Variants in PRRC2C observed in about 807,000 individuals in gnomAD.
PRRC2C encodes proline rich coiled-coil 2C, also known as protein PRRC2C.
Under a neutral mutation model 317.2 loss-of-function variants are expected in PRRC2C, and 72 were observed. The ratio of observed to expected loss-of-function variants is 0.23; its 90% CI spans 0.19 to 0.28. The LOEUF (loss-of-function observed/expected upper bound fraction) is 0.28, where lower values mean the gene tolerates loss of function less well. PRRC2C is among the 10% of genes least tolerant of loss of function. The pLI, the probability that PRRC2C is intolerant of heterozygous loss-of-function variation, is 1.00. For missense variants in PRRC2C, 3,074 were observed against 3,459.7 expected (o/e 0.89, Z 2.80); for synonymous variants, 1,296 against 1,205.9 (o/e 1.07, Z -1.55).
At position 171,540,706 on chromosome 1, in the gene PRRC2C, A is replaced by G; in HGVS notation, c.3240A>G (p.Pro1080=). The part of the protein sequence containing the change: ...PAPIQPQSVP[P]PIQPEAEKFP... ...CAATTCAGCCACAGTCAGTTCCACC[A>G]CCAATTCAACCAGAAGCAGAGAAAT... is the stretch of plus-strand genomic sequence containing the variant. Residue 1080 remains proline, a synonymous_variant, in exon 16 of 35, where the codon CCA becomes CCG. Coordinates refer to ENST00000647382, the MANE Select transcript of PRRC2C (RefSeq NM_001387844.1). The G allele has an allele frequency of 6.2e-7, 1 of 1,613,962 alleles. No homozygotes were observed. Among genetic ancestry groups the G allele is most frequent in the Non-Finnish European group, 8.5e-7 (1 of 1,179,880 alleles).
At chr1:171,575,377 A>T (rs576048396) in intron 25 of PRRC2C, among the ~76,000 whole-genome samples, 4 of 152,268 alleles carry the variant, frequency 2.6e-5, no homozygotes, top group East Asian at 1.9e-4. Flanking sequence ...ATGTATGTAC[A>T]ACTAACTAGA....
chr1:171,511,194 C>CAAAAAG (rs1290986516), intron 1 of PRRC2C: 1 of 16,052 alleles, frequency 6.2e-5, no homozygotes, highest in Non-Finnish European at 1.4e-4. Context: ...AATAACCCCT[C>CAAAAAG]AAAAACAAAA....
chr1:171,561,101 G>A lies in PRRC2C; in HGVS notation c.6115G>A (p.Glu2039Lys), dbSNP rs1682598243. The A allele has an allele frequency of 6.3e-6, 10 of 1,584,254 alleles. No homozygotes were observed. The highest frequency in any genetic ancestry group is 8.7e-6 in the Non-Finnish European group (10 of 1,153,066). Residue 2039 changes from glutamate to lysine, a missense_variant and splice_region_variant, in exon 20 of 35, where the codon GAG becomes AAG. Physicochemically the swap from Glu to Lys is moderately conservative, Grantham distance 56 (BLOSUM62 1). Transcript: ENST00000647382. ...LTSFGSAPSS[E>K]GAKNGQESGL... ...ATCGTTTGGATCAGCTCCTTCATCA[G>A]AGGTAAGAATAGGCTTTTAACAGCA...
chr1:171,527,858 G>C lies in PRRC2C; in HGVS notation c.1254+14G>C. ...CTTGCACAGCAGGTAAATTTTAAGT[G>C]CTTGTTTATGGATTATATATTTTAT... On this transcript the variant is annotated intron_variant, in intron 11 of 34. Transcript: ENST00000647382. 6.4e-7 allele frequency: 1 copy of C among 1,560,140 alleles called. No individual in the cohort carries two copies. Among genetic ancestry groups the C allele is most frequent in the Non-Finnish European group, 8.7e-7 (1 of 1,147,794 alleles).
chr1:171,551,218 A>G (rs867497568), intron 18 of PRRC2C, among the ~76,000 whole-genome samples: 11 of 152,288 alleles, frequency 7.2e-5, no homozygotes, highest in Middle Eastern at 6.8e-3. Flanking sequence ...CTGACCAGTG[A>G]TGATGATCAT....
chr1:171,567,287 A>G (rs1179304045), intron 22 of PRRC2C, among the ~76,000 whole-genome samples: 4 of 152,100 alleles, frequency 2.6e-5, no homozygotes, highest in African/African-American at 9.7e-5. Flanking sequence ...TGAACACTGG[A>G]GGCTGTTGAC....
Position 171,557,485 on chromosome 1 carries a change from T to C in PRRC2C, c.5373T>C (p.Thr1791=), listed in dbSNP as rs546009913. Residue 1791 remains threonine (T), a synonymous_variant, in exon 19 of 35, where the codon ACT becomes ACC. Coordinates refer to ENST00000647382, the MANE Select transcript of PRRC2C (RefSeq NM_001387844.1). ...ASTSAPVPAS[T]LAPVLASTSA... ...CCTCAGCTCCGGTTCCAGCCTCAAC[T>C]TTAGCTCCAGTTCTGGCCTCAACCT... 11 of 1,550,948 alleles carry C rather than the reference T, an allele frequency of 7.1e-6. No homozygotes were observed. The highest frequency in any genetic ancestry group is 4.8e-5 in the South Asian group (4 of 84,022).
chr1:171,525,122 A>G (rs73038391), intron 10 of PRRC2C, among the ~76,000 whole-genome samples, 157 bp downstream of exon 10: 12,321 of 152,188 alleles, frequency 0.081, 1,648 homozygotes, highest in African/African-American at 0.28. Flanking sequence ...ATCTATCATA[A>G]TTTTTATTGC....
At position 171,541,670 on chromosome 1, in the gene PRRC2C, A is replaced by G. The variant is rs570949281; in HGVS notation, c.4204A>G (p.Ile1402Val). ...AAGAAGACATGAGCAGTTTATTCCT[A>G]TAGCAGCAGATAAACGACCTCCAAA... ...PPRRHEQFIP[I>V]AADKRPPKFE... The change falls in exon 16 of 35, where the codon ATA (isoleucine) becomes GTA (valine). Residue 1402 changes from isoleucine (I) to valine (V), a missense_variant. Physicochemically the swap from Ile to Val is conservative, Grantham distance 29. Around this residue, in one of 11 missense-constraint regions of PRRC2C, gnomAD observed 1,320 missense variants for 1,395.7 expected, o/e 0.95. Coordinates refer to ENST00000647382, the MANE Select transcript of PRRC2C (RefSeq NM_001387844.1). The surrounding 1 kb of genome is among the most constrained non-coding windows in gnomAD (Gnocchi z 4.1). 30 of 1,613,922 alleles carry G rather than the reference A, an allele frequency of 1.9e-5. No individual in the cohort carries two copies. In the South Asian group the frequency reaches 3.3e-4, roughly 18 times the overall value.
At chr1:171,536,383 C>T in intron 14 of PRRC2C, 105 bp downstream of exon 14, 2 of 1,265,450 alleles carry the variant, frequency 1.6e-6, no homozygotes, top group Non-Finnish European at 2.2e-6. Flanking sequence ...ACTTAAACCT[C>T]CGATTTTTAA....
chr1:171,550,976 T>A (rs1417544481), intron 18 of PRRC2C, among the ~76,000 whole-genome samples: 1 of 152,218 alleles, frequency 6.6e-6, no homozygotes, highest in Non-Finnish European at 1.5e-5. Flanking sequence ...CCTTTGGGTA[T>A]ATACCCAGTA....
Position 171,584,650 on chromosome 1 carries a change from T to C in PRRC2C, c.7749+124T>C, listed in dbSNP as rs1022551576. 9.7e-6 allele frequency: 11 copies of C among 1,139,752 alleles called. No individual in the cohort carries two copies. The East Asian group carries it at 1.6e-4, about 17-fold the overall frequency. The allele number at this position is 1,139,752 out of a possible 1,614,324, so 70.6% of individuals were successfully genotyped here. On this transcript the variant is annotated intron_variant, in intron 30 of 34. Coordinates refer to ENST00000647382, the MANE Select transcript of PRRC2C (RefSeq NM_001387844.1). Reference sequence around the variant, plus strand: ...GGAGGATGGTTTTTAAACTGTTCACTGAGATGTCCTGAAGAATTCCACTGG... The same window carrying C: ...GGAGGATGGTTTTTAAACTGTTCACCGAGATGTCCTGAAGAATTCCACTGG...
In PRRC2C at chr1:171,592,636, C is replaced by G. The variant is rs748957264; in HGVS notation, c.*789C>G. On this transcript the variant is annotated 3_prime_UTR_variant, in exon 35 of 35. Transcript: ENST00000647382. Reference sequence around the variant, plus strand: ...CAAACATGACAGATTTGGTAAAATGCTGGTTAGGTTGAGTCTTCCTTGCCC... The same window carrying G: ...CAAACATGACAGATTTGGTAAAATGGTGGTTAGGTTGAGTCTTCCTTGCCC... The G allele has an allele frequency of 2.0e-5, 3 of 152,092 alleles. No homozygotes were observed. The highest frequency in any genetic ancestry group is 1.3e-4 in the Admixed American group (2 of 15,278). 9.4% of individuals were successfully genotyped at this position (152,092 alleles called of 1,614,324 possible). A position where few individuals can be genotyped will look rare whatever the true frequency, so the allele number is the denominator to read the frequency against.
Position 171,591,886 on chromosome 1 carries a change from G to GC in PRRC2C, c.*39_*40insC. 1 of 475,636 alleles carries GC rather than the reference G, an allele frequency of 2.1e-6. No homozygotes were observed. Among genetic ancestry groups the GC allele is most frequent in the Non-Finnish European group, 3.7e-6 (1 of 266,840 alleles). The allele number at this position is 475,636 out of a possible 1,614,324, so 29.5% of individuals were successfully genotyped here. A position where few individuals can be genotyped will look rare whatever the true frequency, so the allele number is the denominator to read the frequency against. On this transcript the variant is annotated 3_prime_UTR_variant, in exon 35 of 35. Transcript: ENST00000647382. The stretch of plus-strand genomic sequence containing the variant: ...TTGCAGGGGATTGGGAGGGGGGCGG[G>GC]AAAACATGGAGAATTAAGTCAGATA...
At chr1:171,574,814 T>C in intron 24 of PRRC2C, 113 bp from the exon 25 acceptor site, 1 of 943,746 alleles carries the variant, frequency 1.1e-6, no homozygotes, top group Non-Finnish European at 1.6e-6. Flanking sequence ...TCTTTGTGTG[T>C]GTGTGGTTTT....
intron 1 of PRRC2C, among the ~76,000 whole-genome samples, chr1:171,499,489 T>A (rs1477880900): frequency 6.6e-6 from 1 of 152,106 alleles, no homozygotes; most frequent in Admixed American, 6.6e-5. Flanking sequence ...AAGCACTTAT[T>A]AATAGAAAAG....
At position 171,513,037 on chromosome 1, in the gene PRRC2C, T is replaced by G; in HGVS notation, c.155T>G (p.Ile52Ser). ...TTACAGAGTCTTGGAAAAGTCGGTA[T>G]TTCACGGCGTATGCCTCCACCTGCT... ...HGLQSLGKVGISRRMPPPANL... is the reference protein window; with the variant it reads ...HGLQSLGKVGSSRRMPPPANL... Residue 52 changes from isoleucine (I) to serine (S), a missense_variant, in exon 3 of 35, where the codon ATT (isoleucine) becomes AGT (serine). Physicochemically the swap from Ile to Ser is moderately radical, Grantham distance 142 (BLOSUM62 -2). Around this residue, in one of 11 missense-constraint regions of PRRC2C, gnomAD observed 71 missense variants for 118.9 expected, o/e 0.60. Coordinates refer to ENST00000647382, the MANE Select transcript of PRRC2C (RefSeq NM_001387844.1). 1 of 1,613,636 alleles carries G rather than the reference T, an allele frequency of 6.2e-7. No individual in the cohort carries two copies. Among genetic ancestry groups the G allele is most frequent in the South Asian group, 1.1e-5 (1 of 91,016 alleles).
chr1:171,532,347 C>A lies in PRRC2C; in HGVS notation c.1259C>A (p.Pro420Gln). 1 of 1,608,892 alleles carries A rather than the reference C, an allele frequency of 6.2e-7. No homozygotes were observed. Among genetic ancestry groups the A allele is most frequent in the Non-Finnish European group, 8.5e-7 (1 of 1,177,832 alleles). ...PPPKLLAQQH[P>Q]PPDRQAVPGR... is the part of the protein sequence containing the mutation. ...TCTGATACCTTAATGTTTCAGCATC[C>A]ACCTCCAGATCGACAGGCAGTACCT... Residue 420 changes from proline (P) to glutamine (Q), a missense_variant, in exon 12 of 35, where the codon CCA becomes CAA. Transcript: ENST00000647382.
intron 1 of PRRC2C, among the ~76,000 whole-genome samples, chr1:171,502,993 G>A (rs1234531021): frequency 1.3e-5 from 2 of 152,140 alleles, no homozygotes; most frequent in Non-Finnish European, 2.9e-5. Flanking sequence ...AAAGTGCTGG[G>A]ATTACAGCAT....
Sources: gnomAD v4.1 joint callset for allele counts (sites outside exome capture counted in the v4.1 genomes callset) on GRCh38, gnomAD v4.1.1 for gene constraint, gnomAD v4.1.1 regional missense constraint, Gnocchi (gnomAD v3.1) non-coding constraint, MANE v1.5 for transcripts, NCBI Gene and HGNC (gene_info 2026-07-23, HGNC 2026-07-21) for gene names.